ZC3H18: variants seen among roughly 807,000 people sequenced by gnomAD.
ZC3H18 encodes the protein zinc finger CCCH domain-containing protein 18.
ZC3H18 carries 8 observed loss-of-function variants against 106.1 expected under a neutral mutation model. The ratio of observed to expected loss-of-function variants is 0.08; its 90% confidence interval spans 0.04 to 0.14. ZC3H18 has a LOEUF of 0.14. ZC3H18 is among the 10% of genes least tolerant of loss of function. The probability of loss-of-function intolerance (pLI) is 1.00; values close to 1 mark genes in which losing one functional copy is unlikely to be tolerated. For missense variants in ZC3H18, 1,318 were observed against 1,278.4 expected (o/e 1.03, Z -0.47); for synonymous variants, 635 against 522.1 (o/e 1.22, Z -2.95).
chr16:88,631,368 T>G lies in ZC3H18; in HGVS notation c.*69T>G. 1 of 1,531,116 alleles carries G rather than the reference T, an allele frequency of 6.5e-7. No homozygotes were observed. The highest frequency in any genetic ancestry group is 2.0e-5 in the Admixed American group (1 of 50,176). The allele number at this position is 1,531,116 out of a possible 1,614,324, so 94.8% of individuals were successfully genotyped here. The stretch of plus-strand genomic sequence containing the variant: ...AGCGCAGCCATTTTGGATTTTGCAG[T>G]TAATGTCTTATTTTGGCTGTGATTC... On this transcript the variant is annotated 3_prime_UTR_variant, in exon 18 of 18. Transcript: ENST00000301011.
At chr16:88,623,121 G>T (rs940424764) in intron 9 of ZC3H18, 98 bp from the exon 10 acceptor site, 13 of 1,500,648 alleles carry the variant, frequency 8.7e-6, no homozygotes, top group Middle Eastern at 2.0e-4. Context: ...GTGTAGCTGT[G>T]CGTCTGTGGG....
At chr16:88,583,871 C>T (rs1271630007) in intron 2 of ZC3H18, among the ~76,000 whole-genome samples, 1 of 152,120 alleles carries the variant, frequency 6.6e-6, no homozygotes, top group African/African-American at 2.4e-5. Flanking sequence ...CCTCTGCTTC[C>T]TACTCTCTGT....
chr16:88,583,488 CTT>C (rs1915259506), intron 2 of ZC3H18, among the ~76,000 whole-genome samples: 1 of 152,250 alleles, frequency 6.6e-6, no homozygotes, highest in African/African-American at 2.4e-5. Context: ...GATCAGGTGA[CTT>C]TTGCAGATCA....
chr16:88,616,969 G>A (rs1056840939), intron 8 of ZC3H18, among the ~76,000 whole-genome samples: 1 of 152,132 alleles, frequency 6.6e-6, no homozygotes, highest in African/African-American at 2.4e-5. Context: ...CTTCACGAGA[G>A]GGGGCACAGT....
chr16:88,577,264 T>C lies in ZC3H18; in HGVS notation c.141T>C (p.Asp47=), dbSNP rs367604701. 15 of 1,613,168 alleles carry C rather than the reference T, an allele frequency of 9.3e-6. No individual in the cohort carries two copies. Among genetic ancestry groups the C allele is most frequent in the Non-Finnish European group, 1.3e-5 (15 of 1,179,768 alleles). ...ACGGGGCGGGGGTGAGGGCTTCTGA[T>C]CTGGAGGATGAGGAAAGTGCAGCCA... ...DLDGAGVRAS[D]LEDEESAARG... Residue 47 remains aspartate (D), a synonymous_variant, in exon 2 of 18, where the codon GAT becomes GAC. Coordinates refer to ENST00000301011, the MANE Select transcript of ZC3H18 (RefSeq NM_144604.4).
At position 88,630,555 on chromosome 16, in the gene ZC3H18, C is replaced by T. The variant is rs1681768689; in HGVS notation, c.2637C>T (p.Ser879=). ...CAGAGCGGCAGAGAGGCCAGAACTC[C>T]AAAGCCCCTGCAGCCCCGGCTGACA... ...PKPERQRGQN[S]KAPAAPADRK... The change falls in exon 17 of 18, where the codon TCC becomes TCT. Residue 879 remains serine, a synonymous_variant. Transcript: ENST00000301011. 5.0e-6 allele frequency: 8 copies of T among 1,610,984 alleles called. No homozygotes were observed. In the African/African-American group the frequency reaches 5.3e-5, roughly 11 times the overall value.
In ZC3H18 at chr16:88,628,863, C is replaced by T; in HGVS notation, c.2566+9C>T. 1 of 1,613,876 alleles carries T rather than the reference C, an allele frequency of 6.2e-7. No individual in the cohort carries two copies. Among genetic ancestry groups the T allele is most frequent in the African/African-American group, 1.3e-5 (1 of 75,054 alleles). ...CACATCCCCAGACCGAGGTGAGCCT[C>T]CCAGCCCCTAGGGGGCAGGGCAGAG... On this transcript the variant is annotated intron_variant, in intron 16 of 17. Coordinates refer to ENST00000301011, the MANE Select transcript of ZC3H18 (RefSeq NM_144604.4).
chr16:88,594,083 T>A (rs1904318703), intron 3 of ZC3H18, among the ~76,000 whole-genome samples: 1 of 152,164 alleles, frequency 6.6e-6, no homozygotes, highest in South Asian at 2.1e-4. Context: ...CCTCTCTAGC[T>A]GCATCTCTTC....
At chr16:88,594,217 G>A (rs947832896) in intron 3 of ZC3H18, among the ~76,000 whole-genome samples, 2 of 152,106 alleles carry the variant, frequency 1.3e-5, no homozygotes, top group African/African-American at 4.8e-5. Flanking sequence ...GGCAAAGAAT[G>A]CTATTCCTCT....
Position 88,578,763 on chromosome 16 carries a change from C to T in ZC3H18, c.603+1037C>T, listed in dbSNP as rs555206222. ...CTGGAGTGCAGTGGCGCCATCTCAG[C>T]TCACTACAGCCTCTACCCCCAGGTT... On this transcript the variant is annotated intron_variant, in intron 2 of 17. Coordinates refer to ENST00000301011, the MANE Select transcript of ZC3H18 (RefSeq NM_144604.4). Among the ~76,000 whole-genome samples the T allele has an allele frequency of 7.9e-5, 12 of 152,256 alleles. No homozygotes were observed. The South Asian group carries it at 2.1e-3, about 26-fold the overall frequency.
chr16:88,572,903 A>T (rs1241951446), intron 1 of ZC3H18, among the ~76,000 whole-genome samples: 1 of 152,052 alleles, frequency 6.6e-6, no homozygotes, highest in East Asian at 1.9e-4. Context: ...GACTACAGGC[A>T]CGTGCCACCA....
intron 8 of ZC3H18, among the ~76,000 whole-genome samples, chr16:88,620,921 A>T (rs1229810071): frequency 6.6e-6 from 1 of 152,258 alleles, no homozygotes; most frequent in Non-Finnish European, 1.5e-5. Context: ...TTTGGAGTGC[A>T]GTGGCGCAGT....
intron 2 of ZC3H18, among the ~76,000 whole-genome samples, chr16:88,578,836 G>A (rs544634043): frequency 6.6e-4 from 101 of 152,186 alleles, no homozygotes; most frequent in African/African-American, 2.2e-3. Context: ...GATTACAGGC[G>A]CCCGCCACCA....
At position 88,627,514 on chromosome 16, in the gene ZC3H18, T is replaced by A; in HGVS notation, c.2109-108T>A. The A allele has an allele frequency of 7.0e-7, 1 of 1,438,260 alleles. No homozygotes were observed. The highest frequency in any genetic ancestry group is 2.2e-5 in the Admixed American group (1 of 45,260). The allele number at this position is 1,438,260 out of a possible 1,614,324, so 89.1% of individuals were successfully genotyped here. ...CCCCCAAAATCACACATTCCGTGGG[T>A]ACATGATCCATAAATGGACACTGCG... On this transcript the variant is annotated intron_variant, in intron 13 of 17. Transcript: ENST00000301011. This position sits in a 1 kb window ranked among gnomAD's most constrained non-coding sequence, Gnocchi z 4.5.
chr16:88,573,729 T>C (rs778166860), intron 1 of ZC3H18, among the ~76,000 whole-genome samples: 1 of 151,986 alleles, frequency 6.6e-6, no homozygotes, highest in African/African-American at 2.4e-5. Context: ...GACTTTTTAA[T>C]AATTCCTCCC....
chr16:88,624,530 A>G (rs1335381741), intron 11 of ZC3H18, 72 bp from the exon 12 acceptor site: 11 of 1,608,998 alleles, frequency 6.8e-6, no homozygotes, highest in Middle Eastern at 1.6e-4. Context: ...CTGTGGGTCC[A>G]TTGAAAGGGG....
At chr16:88,630,664 G>C in intron 17 of ZC3H18, 83 bp downstream of exon 17, 1 of 1,241,592 alleles carries the variant, frequency 8.1e-7, no homozygotes, top group Non-Finnish European at 1.1e-6. Context: ...CAGCAGCAGG[G>C]CTAGCACTGG....
At chr16:88,625,305 C>G in intron 13 of ZC3H18, 38 bp downstream of exon 13, 3 of 1,559,066 alleles carry the variant, frequency 1.9e-6, no homozygotes, top group Non-Finnish European at 2.6e-6. Context: ...TTCTCCCTCC[C>G]CGTCGGGGCC....
chr16:88,590,508 C>G (rs915278326), intron 3 of ZC3H18, among the ~76,000 whole-genome samples: 9 of 150,168 alleles, frequency 6.0e-5, no homozygotes, highest in African/African-American at 2.2e-4. Context: ...GTTCTGTCCA[C>G]AGAGGAGTAA....
Sources: allele counts gnomAD v4.1 joint callset (sites outside exome capture counted in the v4.1 genomes callset), GRCh38; gene constraint gnomAD v4.1.1; non-coding constraint Gnocchi (gnomAD v3.1); transcripts MANE v1.5; gene names NCBI Gene and HGNC (gene_info 2026-07-23, HGNC 2026-07-21).